Variants in ATP6V1C1 observed in about 807,000 individuals in gnomAD.
ATP6V1C1 encodes the protein ATPase H+ transporting V1 subunit C1.
Under a neutral mutation model 53.9 loss-of-function variants are expected in ATP6V1C1, and 45 were observed. That is an observed-to-expected ratio of 0.83 (90% CI 0.66 to 1.07). The LOEUF is 1.07. ATP6V1C1 is among the 50% of genes least tolerant of loss of function. ATP6V1C1 has a pLI of 0.00. For missense variants in ATP6V1C1, 315 were observed against 440.3 expected, an observed-to-expected ratio of 0.72 and a Z score of 2.55; for synonymous variants, 153 against 155.2, an observed-to-expected ratio of 0.99 and a Z score of 0.11.
At chr8:103,032,792 G>A (rs1036481761) in intron 1 of ATP6V1C1, among the ~76,000 whole-genome samples, 1 of 152,158 alleles carries the variant, frequency 6.6e-6, no homozygotes, top group South Asian at 2.1e-4. Flanking sequence ...TCTTATAAAG[G>A]TAAATATACA....
At chr8:103,040,442 T>A (rs796405556) in intron 1 of ATP6V1C1, among the ~76,000 whole-genome samples, 2 of 152,044 alleles carry the variant, frequency 1.3e-5, no homozygotes, top group African/African-American at 4.8e-5. Context: ...AAGATAAACC[T>A]ATAAATTTGT....
In ATP6V1C1 at chr8:103,041,084, C is replaced by T. The variant is rs1041731502; in HGVS notation, c.132+116C>T. ...CTTCCAAAGAAAACCTCCTCTCCAG[C>T]CATTGGCATGATTTAAAATGTGTCT... On this transcript the variant is annotated intron_variant, in intron 2 of 12. Transcript: ENST00000518738. 3.4e-6 allele frequency: 4 copies of T among 1,187,168 alleles called. No homozygotes were observed. The Admixed American group carries it at 8.5e-5, about 25-fold the overall frequency. 73.5% of individuals were successfully genotyped at this position (1,187,168 alleles called of 1,614,324 possible).
intron 3 of ATP6V1C1, among the ~76,000 whole-genome samples, chr8:103,046,859 A>G (rs1008970285): frequency 2.0e-5 from 3 of 152,222 alleles, no homozygotes; most frequent in Admixed American, 6.5e-5. Flanking sequence ...ACATTGACAC[A>G]GATCCTCTTG....
intron 8 of ATP6V1C1, among the ~76,000 whole-genome samples, chr8:103,060,859 A>G (rs1299951442): frequency 2.6e-5 from 4 of 152,124 alleles, no homozygotes; most frequent in African/African-American, 7.2e-5. Context: ...CACAATAGCT[A>G]GGAACCTGCT....
chr8:103,060,271 G>A (rs914257630), intron 8 of ATP6V1C1, among the ~76,000 whole-genome samples: 2 of 151,982 alleles, frequency 1.3e-5, no homozygotes, highest in Non-Finnish European at 2.9e-5. Flanking sequence ...GCTGAGCCCC[G>A]GTTATACTTA....
At chr8:103,026,174 G>T (rs1816691022) in intron 1 of ATP6V1C1, among the ~76,000 whole-genome samples, 1 of 152,220 alleles carries the variant, frequency 6.6e-6, no homozygotes, top group African/African-American at 2.4e-5. Context: ...TCCTGGCCAT[G>T]TCTGCCAATT....
At chr8:103,050,928 T>C in intron 4 of ATP6V1C1, 122 bp from the exon 5 acceptor site, 1 of 684,464 alleles carries the variant, frequency 1.5e-6, no homozygotes, top group Non-Finnish European at 2.5e-6. Context: ...TCAGGATTCT[T>C]CAGAAATGAC....
rs79520403 is a variant in ATP6V1C1, at chr8:103,047,941, T to A, written c.201-929T>A. On this transcript the variant is annotated intron_variant, in intron 3 of 12. Coordinates refer to ENST00000518738, the MANE Select transcript of ATP6V1C1 (RefSeq NM_001695.5). ...AGCTGGCACTGACCTCAGATTGCTT[T>A]GTATTTAGTAATTTATATATTTTTG... Among the ~76,000 whole-genome samples, 313 of 152,364 alleles carry A rather than the reference T, an allele frequency of 2.1e-3. 1 individual carries two copies. The highest frequency in any genetic ancestry group is 3.2e-3 in the Non-Finnish European group (216 of 68,032).
At position 103,054,133 on chromosome 8, in the gene ATP6V1C1, C is replaced by T. The variant is rs1355862198; in HGVS notation, c.572+151C>T. ...CTGTCATCAACATTTGCTCATGTGG[C>T]ACATAAAGTAGAAATTAGATCATAA... is the stretch of plus-strand genomic sequence containing the variant. On this transcript the variant is annotated intron_variant, in intron 7 of 12. Coordinates refer to ENST00000518738, the MANE Select transcript of ATP6V1C1 (RefSeq NM_001695.5). 12 of 544,892 alleles carry T rather than the reference C, an allele frequency of 2.2e-5. 1 individual carries two copies. Among genetic ancestry groups the T allele is most frequent in the Middle Eastern group, 4.8e-4 (1 of 2,064 alleles). 33.8% of individuals were successfully genotyped at this position (544,892 alleles called of 1,614,324 possible).
intron 12 of ATP6V1C1, among the ~76,000 whole-genome samples, chr8:103,068,437 C>T (rs1484420029): frequency 6.6e-6 from 1 of 152,194 alleles, no homozygotes; most frequent in Non-Finnish European, 1.5e-5. Context: ...CCTGGCTTTA[C>T]CACTCACTGT....
intron 1 of ATP6V1C1, among the ~76,000 whole-genome samples, chr8:103,027,265 C>T (rs1366635999): frequency 1.3e-5 from 2 of 152,200 alleles, no homozygotes. Flanking sequence ...TGCATGGAGA[C>T]CACCTTCTAG....
intron 12 of ATP6V1C1, among the ~76,000 whole-genome samples, chr8:103,067,621 G>GATGGAGTTTCGCTCTTTC (rs1817518342): frequency 7.4e-6 from 1 of 134,306 alleles, no homozygotes. Flanking sequence ...TTTTTTTCGA[G>GATGGAGTTTCGCTCTTTC]ATGGAGTTTC....
chr8:103,067,691 C>T (rs1056547013), intron 12 of ATP6V1C1, among the ~76,000 whole-genome samples: 1 of 148,762 alleles, frequency 6.7e-6, no homozygotes, highest in Non-Finnish European at 1.5e-5. Flanking sequence ...GTCTCTGCCT[C>T]CTGGGTTCAG....
chr8:103,047,349 A>G (rs941671167), intron 3 of ATP6V1C1, among the ~76,000 whole-genome samples: 13 of 150,540 alleles, frequency 8.6e-5, no homozygotes, highest in Non-Finnish European at 1.8e-4. Context: ...CAAAGCTGCA[A>G]TGCACTGTGA....
rs1817193431 is a variant in ATP6V1C1 at position 103,051,140 on chromosome 8, C to G, written c.377C>G (p.Ala126Gly). The change falls in exon 5 of 13, where the codon GCC (alanine) becomes GGC (glycine). Residue 126 changes from alanine (A) to glycine (G), a missense_variant. Transcript: ENST00000518738. ...CTGAAAAATATTTCTGAAATAATTG[C>G]CAAGGTAAGATAATACTTGAGACAA... The part of the protein sequence containing the change: ...QSLKNISEII[A>G]KGVTQIDNDL... 6.3e-7 allele frequency: 1 copy of G among 1,595,508 alleles called. No individual in the cohort carries two copies. Among genetic ancestry groups the G allele is most frequent in the Admixed American group, 1.7e-5 (1 of 59,410 alleles).
At chr8:103,037,357 A>T (rs1816917167) in intron 1 of ATP6V1C1, among the ~76,000 whole-genome samples, 1 of 152,042 alleles carries the variant, frequency 6.6e-6, no homozygotes, top group African/African-American at 2.4e-5. Flanking sequence ...AAATAATTAA[A>T]AAAAAAGAGA....
At position 103,026,456 on chromosome 8, in the gene ATP6V1C1, G is replaced by A. The variant is rs576565920; in HGVS notation, c.-40+5231G>A. 3.9e-4 allele frequency among the ~76,000 whole-genome samples: 60 copies of A among 152,234 alleles called. 1 individual carries two copies. In the South Asian group the frequency reaches 0.012, roughly 31 times the overall value. The stretch of plus-strand genomic sequence containing the variant: ...ATGGTAGTTTTAATAGGATTATAGA[G>A]CATTTATGGGTATTGTTTCCATTGA... On this transcript the variant is annotated intron_variant, in intron 1 of 12. Coordinates refer to ENST00000518738, the MANE Select transcript of ATP6V1C1 (RefSeq NM_001695.5).
chr8:103,031,740 CAGTG>C (rs1482538446), intron 1 of ATP6V1C1, among the ~76,000 whole-genome samples: 4 of 152,014 alleles, frequency 2.6e-5, no homozygotes, highest in Non-Finnish European at 4.4e-5. Flanking sequence ...AAGTAAAACA[CAGTG>C]AGAAAAACAA....
chr8:103,029,956 A>T (rs1021481543), intron 1 of ATP6V1C1, among the ~76,000 whole-genome samples: 3 of 151,422 alleles, frequency 2.0e-5, no homozygotes, highest in African/African-American at 7.3e-5. Context: ...CTGGTCTTGA[A>T]CTCCTGAGCT....
Sources: gnomAD v4.1 joint callset for allele counts (sites outside exome capture counted in the v4.1 genomes callset) on GRCh38, gnomAD v4.1.1 for gene constraint, MANE v1.5 for transcripts, NCBI Gene and HGNC (gene_info 2026-07-23, HGNC 2026-07-21) for gene names.